The following MAP2 variants were observed in gnomAD, a reference collection of about 807,000 sequenced individuals.
The protein encoded by MAP2 is microtubule associated protein 2.
MAP2 carries 14 observed loss-of-function variants against 137.6 expected under a neutral mutation model. The observed-to-expected ratio is 0.10, with a 90% CI of 0.07 to 0.16. The LOEUF is 0.16. MAP2 is among the 10% of genes least tolerant of loss of function. The probability of loss-of-function intolerance (pLI) is 1.00; values close to 1 mark genes in which losing one functional copy is unlikely to be tolerated. For missense variants in MAP2, 2,088 were observed against 2,191.5 expected (o/e 0.95, Z 0.94); for synonymous variants, 786 against 782.3 (o/e 1.00, Z -0.08).
chr2:209,531,559 G>T (rs944862157), intron 2 of MAP2, among the ~76,000 whole-genome samples: 1 of 152,154 alleles, frequency 6.6e-6, no homozygotes, highest in Non-Finnish European at 1.5e-5. Context: ...TGAGTCAGAA[G>T]TTGAGGAAAA....
In MAP2 at chr2:209,498,900, C is replaced by G. The variant is rs1287185217; in HGVS notation, c.-221-8692C>G. On this transcript the variant is annotated intron_variant, in intron 1 of 15. Coordinates refer to ENST00000682079, the MANE Select transcript of MAP2 (RefSeq NM_001375505.1). The stretch of plus-strand genomic sequence containing the variant: ...GCTGCCATGAAGGTCTCTGAAATGC[C>G]TTCAAGGCCTTTTTCCCATTATCTT... Among the ~76,000 whole-genome samples the G allele has an allele frequency of 2.0e-5, 3 of 152,158 alleles. 1 individual carries two copies. The highest frequency in any genetic ancestry group is 4.4e-5 in the Non-Finnish European group (3 of 68,036).
intron 3 of MAP2, among the ~76,000 whole-genome samples, chr2:209,587,098 C>CT (rs1489772291): frequency 1.3e-5 from 2 of 152,122 alleles, no homozygotes; most frequent in Non-Finnish European, 2.9e-5. Flanking sequence ...GGACGTGGTT[C>CT]TATATAACCC....
At chr2:209,543,631 G>A (rs186779772) in intron 2 of MAP2, among the ~76,000 whole-genome samples, 4 of 152,192 alleles carry the variant, frequency 2.6e-5, no homozygotes, top group African/African-American at 7.2e-5. Flanking sequence ...AAACCAACAT[G>A]TTGGGTAATA....
intron 1 of MAP2, among the ~76,000 whole-genome samples, chr2:209,485,546 G>A (rs374214509): frequency 1.3e-5 from 2 of 152,140 alleles, no homozygotes; most frequent in South Asian, 2.1e-4. Flanking sequence ...ATTGAGGATA[G>A]CCCATAACCA....
At chr2:209,435,467 G>T (rs1695692598) in intron 1 of MAP2, among the ~76,000 whole-genome samples, 2 of 151,692 alleles carry the variant, frequency 1.3e-5, no homozygotes, top group African/African-American at 4.8e-5. Context: ...GTGACAGTGA[G>T]CAAAGCAAAC....
intron 7 of MAP2, among the ~76,000 whole-genome samples, chr2:209,688,773 G>A (rs1187376351): frequency 1.2e-4 from 19 of 152,158 alleles, no homozygotes; most frequent in South Asian, 2.1e-4. Flanking sequence ...TTGCTTAGGC[G>A]AAGAGTTTAT....
rs1319297931 is a variant in MAP2, at chr2:209,695,520, C to G, written c.3350C>G (p.Pro1117Arg). 6.2e-7 allele frequency: 1 copy of G among 1,614,074 alleles called. No individual in the cohort carries two copies. The highest frequency in any genetic ancestry group is 1.7e-5 in the Admixed American group (1 of 60,012). The change falls in exon 8 of 16, where the codon CCT becomes CGT. Residue 1117 changes from proline (P) to arginine (R), a missense_variant. By Grantham distance (103) the Pro-to-Arg change is moderately radical. This residue lies in a region of MAP2 where 500 missense variants were observed against 482.9 expected (regional missense o/e 1.04). Coordinates refer to ENST00000682079, the MANE Select transcript of MAP2 (RefSeq NM_001375505.1). ...ETEVKEKVAK[P>R]DLVHQEAVDK... ...GAAGTCAAAGAGAAGGTGGCCAAGC[C>G]TGACTTGGTGCACCAGGAGGCTGTA...
At chr2:209,565,779 TG>T (rs1215258851) in intron 2 of MAP2, among the ~76,000 whole-genome samples, 3 of 152,234 alleles carry the variant, frequency 2.0e-5, no homozygotes, top group Admixed American at 6.5e-5. Flanking sequence ...CTGTCCTGTG[TG>T]GGCATCATTT....
chr2:209,666,373 T>TA (rs2153650568), intron 5 of MAP2, among the ~76,000 whole-genome samples: 1 of 152,258 alleles, frequency 6.6e-6, no homozygotes, highest in East Asian at 1.9e-4. Context: ...AGTAGCCACT[T>TA]AACAAAAGTC....
At chr2:209,596,123 A>G (rs1476455755) in intron 3 of MAP2, among the ~76,000 whole-genome samples, 2 of 152,146 alleles carry the variant, frequency 1.3e-5, no homozygotes, top group African/African-American at 2.4e-5. Context: ...GAGAAAGAAA[A>G]AAAAGAAAAT....
chr2:209,591,002 CAAA>C (rs2079085726), intron 3 of MAP2, among the ~76,000 whole-genome samples: 2 of 152,142 alleles, frequency 1.3e-5, no homozygotes, highest in Non-Finnish European at 2.9e-5. Context: ...AAAAACAAAA[CAAA>C]GAAGCCTCAT....
At chr2:209,690,939 A>T in intron 7 of MAP2, 1 of 1,136,534 alleles carries the variant, frequency 8.8e-7, no homozygotes, top group Non-Finnish European at 1.1e-6. Flanking sequence ...CTATTTCGCT[A>T]TTTCATCGCT....
intron 4 of MAP2, among the ~76,000 whole-genome samples, chr2:209,628,856 G>A (rs2092688962): frequency 6.6e-6 from 1 of 152,138 alleles, no homozygotes; most frequent in Non-Finnish European, 1.5e-5. Flanking sequence ...CTTGCTGAAG[G>A]GATGACTAGG....
At chr2:209,642,584 G>T (rs1315486717) in intron 4 of MAP2, among the ~76,000 whole-genome samples, 1 of 152,048 alleles carries the variant, frequency 6.6e-6, no homozygotes, top group Non-Finnish European at 1.5e-5. Flanking sequence ...ATGATCATTT[G>T]AAATTACGTG....
chr2:209,454,528 G>C (rs1340480198), intron 1 of MAP2, among the ~76,000 whole-genome samples: 1 of 151,886 alleles, frequency 6.6e-6, no homozygotes, highest in Non-Finnish European at 1.5e-5. Context: ...GTAGAGATAG[G>C]GTTTCACCAT....
chr2:209,730,021 T>C, intron 15 of MAP2, 59 bp downstream of exon 15: 1 of 1,328,736 alleles, frequency 7.5e-7, no homozygotes, highest in Non-Finnish European at 1.1e-6. Flanking sequence ...TCTGAAATAC[T>C]CTTCATCAAA....
At chr2:209,659,009 C>A (rs2042187864) in intron 5 of MAP2, among the ~76,000 whole-genome samples, 1 of 152,072 alleles carries the variant, frequency 6.6e-6, no homozygotes, top group Non-Finnish European at 1.5e-5. Context: ...TCATTAGTGT[C>A]TTCTTTTTAC....
chr2:209,713,025 T>C (rs2153777926), intron 13 of MAP2, among the ~76,000 whole-genome samples: 1 of 152,268 alleles, frequency 6.6e-6, no homozygotes, highest in East Asian at 1.9e-4. Flanking sequence ...AATAGTGATA[T>C]ATGGTCTCTA....
At chr2:209,720,652 A>C (rs1584554111) in intron 13 of MAP2, among the ~76,000 whole-genome samples, 1 of 151,858 alleles carries the variant, frequency 6.6e-6, no homozygotes, top group East Asian at 1.9e-4. Context: ...AAAAAAAAAA[A>C]AAAAAAAAAC....
Sources: allele counts gnomAD v4.1 joint callset (sites outside exome capture counted in the v4.1 genomes callset), GRCh38; gene constraint gnomAD v4.1.1; regional missense constraint gnomAD v4.1.1; transcripts MANE v1.5; gene names NCBI Gene and HGNC (gene_info 2026-07-23, HGNC 2026-07-21).